Variants in AGBL1 observed in about 807,000 individuals in gnomAD.
AGBL1 encodes the protein AGBL carboxypeptidase 1.
Under a neutral mutation model 118.9 loss-of-function variants are expected in AGBL1, and 130 were observed. The observed-to-expected ratio is 1.09, with a 90% CI of 0.95 to 1.26. AGBL1 has a LOEUF of 1.26. Ranked by LOEUF, AGBL1 falls within the 50% of genes most tolerant of loss-of-function variation. AGBL1 has a pLI of 0.00. For synonymous variants in AGBL1, 555 were observed against 478.9 expected (o/e 1.16, Z -2.08); for missense variants, 1,584 against 1,298.1 (o/e 1.22, Z -3.38).
At chr15:86,520,914 G>A (rs1461357599) in intron 18 of AGBL1, among the ~76,000 whole-genome samples, 2 of 152,124 alleles carry the variant, frequency 1.3e-5, no homozygotes, top group South Asian at 4.1e-4. Context: ...GTTGCTATCG[G>A]CATTGAAAAT....
At chr15:86,796,576 C>T (rs2078575257) in intron 22 of AGBL1, among the ~76,000 whole-genome samples, 1 of 152,186 alleles carries the variant, frequency 6.6e-6, no homozygotes, top group South Asian at 2.1e-4. Flanking sequence ...TACAGTCATT[C>T]TTGCTCATAC....
intron 22 of AGBL1, among the ~76,000 whole-genome samples, chr15:86,790,929 A>G (rs1000296987): frequency 6.6e-6 from 1 of 152,212 alleles, no homozygotes; most frequent in Non-Finnish European, 1.5e-5. Context: ...AATAAGTTGT[A>G]AAATCTACAG....
At chr15:86,595,556 A>G (rs766047801) in intron 21 of AGBL1, among the ~76,000 whole-genome samples, 7 of 152,118 alleles carry the variant, frequency 4.6e-5, no homozygotes, top group Non-Finnish European at 7.3e-5. Context: ...TCATTATATT[A>G]TCAACTATTA....
chr15:86,758,328 A>T (rs11073670), intron 22 of AGBL1, among the ~76,000 whole-genome samples: 42,455 of 151,688 alleles, frequency 0.28, 6,112 homozygotes, highest in East Asian at 0.31. Context: ...TTCATAATCT[A>T]CTCATTATCT....
At chr15:86,941,590 A>G (rs983415283) in intron 23 of AGBL1, among the ~76,000 whole-genome samples, 5 of 152,202 alleles carry the variant, frequency 3.3e-5, no homozygotes, top group African/African-American at 9.6e-5. Flanking sequence ...CACTGTATAT[A>G]GAGATAATAT....
rs10520643 is a variant in AGBL1 at position 86,859,175 on chromosome 15, T to C, written c.3159-47912T>C. 8.5e-5 allele frequency among the ~76,000 whole-genome samples: 13 copies of C among 152,196 alleles called. No individual in the cohort carries two copies. The East Asian group carries it at 9.7e-4, about 11-fold the overall frequency. The stretch of plus-strand genomic sequence containing the variant: ...AGAATGTTTCTCAGAGGAACTAATA[T>C]ATGAGTCTAGCTGTGATAAATCCAT... On this transcript the variant is annotated intron_variant, in intron 22 of 22. Transcript: ENST00000614907.
chr15:86,139,121 T>G (rs900294857), intron 1 of AGBL1, among the ~76,000 whole-genome samples: 2 of 152,162 alleles, frequency 1.3e-5, no homozygotes, highest in African/African-American at 4.8e-5. Flanking sequence ...TCTATTAACA[T>G]TTAGTGCAGC....
chr15:86,892,162 G>T (rs1390959816), intron 22 of AGBL1, among the ~76,000 whole-genome samples: 1 of 151,966 alleles, frequency 6.6e-6, no homozygotes, highest in Non-Finnish European at 1.5e-5. Context: ...CCTCTCTTTT[G>T]CTTTCATTCT....
intron 22 of AGBL1, among the ~76,000 whole-genome samples, chr15:86,798,861 T>C (rs922534650): frequency 4.6e-5 from 7 of 151,774 alleles, no homozygotes; most frequent in African/African-American, 1.7e-4. Context: ...TTGTCCGTTT[T>C]TGATTATTAT....
intron 18 of AGBL1, among the ~76,000 whole-genome samples, chr15:86,460,746 C>T (rs531918311): frequency 2.3e-3 from 354 of 152,306 alleles, no homozygotes; most frequent in Non-Finnish European, 4.3e-3. Context: ...TGCCGCTTTT[C>T]CTTAAATGCT....
chr15:86,716,637 G>A (rs1324225416), intron 22 of AGBL1, among the ~76,000 whole-genome samples: 1 of 152,170 alleles, frequency 6.6e-6, no homozygotes, highest in African/African-American at 2.4e-5. Flanking sequence ...GCTTTCAGAT[G>A]TCAGAATAGA....
At chr15:86,821,600 G>A (rs1047874743) in intron 22 of AGBL1, among the ~76,000 whole-genome samples, 1 of 152,148 alleles carries the variant, frequency 6.6e-6, no homozygotes, top group African/African-American at 2.4e-5. Flanking sequence ...TTATGCTGAT[G>A]AATTTTTGCC....
intron 22 of AGBL1, among the ~76,000 whole-genome samples, chr15:86,687,249 T>A (rs1303228423): frequency 6.6e-6 from 1 of 152,116 alleles, no homozygotes; most frequent in African/African-American, 2.4e-5. Context: ...CCTCAAGAAC[T>A]TCTAAGACAC....
intron 21 of AGBL1, among the ~76,000 whole-genome samples, chr15:86,571,965 G>A (rs1322913747): frequency 1.3e-5 from 2 of 152,200 alleles, no homozygotes; most frequent in African/African-American, 4.8e-5. Context: ...GCTGTCCTCA[G>A]CACCCCCTTA....
intron 22 of AGBL1, among the ~76,000 whole-genome samples, chr15:86,795,698 C>A (rs185033790): frequency 1.1e-4 from 17 of 151,402 alleles, no homozygotes; most frequent in Admixed American, 5.9e-4. Context: ...AATTCTCCTG[C>A]CCCAGCCTCC....
At chr15:86,872,090 TC>T (rs1199848435) in intron 22 of AGBL1, among the ~76,000 whole-genome samples, 2 of 152,124 alleles carry the variant, frequency 1.3e-5, no homozygotes, top group Non-Finnish European at 2.9e-5. Context: ...TATCTAGAAC[TC>T]AAACACAGAG....
chr15:86,087,792 C>T (rs1316841661), intron 1 of AGBL1, among the ~76,000 whole-genome samples: 1 of 152,174 alleles, frequency 6.6e-6, no homozygotes, highest in Non-Finnish European at 1.5e-5. Context: ...GCAGAAGTGC[C>T]CTCACCAGGT....
At chr15:86,785,705 G>T (rs1307171333) in intron 22 of AGBL1, among the ~76,000 whole-genome samples, 1 of 152,156 alleles carries the variant, frequency 6.6e-6, no homozygotes, top group Non-Finnish European at 1.5e-5. Context: ...TAGTGATTAT[G>T]ATGAGCAATC....
chr15:86,245,463 A>G (rs1040740704), intron 6 of AGBL1, among the ~76,000 whole-genome samples: 2 of 152,190 alleles, frequency 1.3e-5, no homozygotes, highest in African/African-American at 4.8e-5. Flanking sequence ...AGCAGGTTAG[A>G]GCCCTGCAAT....
Sources: allele counts gnomAD v4.1 joint callset (sites outside exome capture counted in the v4.1 genomes callset), GRCh38; gene constraint gnomAD v4.1.1; transcripts MANE v1.5; gene names NCBI Gene and HGNC (gene_info 2026-07-23, HGNC 2026-07-21).